PCLO: variants seen among roughly 807,000 people sequenced by gnomAD.
PCLO encodes the protein protein piccolo.
Under a neutral mutation model 427.5 loss-of-function variants are expected in PCLO, and 82 were observed. That is an observed-to-expected ratio of 0.19 (90% CI 0.16 to 0.23). The LOEUF is 0.23. Ranked by LOEUF, PCLO falls within the 10% of genes least tolerant of loss-of-function variation. The pLI is 1.00. For missense variants in PCLO, 6,239 were observed against 6,115.9 expected, an observed-to-expected ratio of 1.02 and a Z score of -0.67; for synonymous variants, 2,357 against 2,155.4, an observed-to-expected ratio of 1.09 and a Z score of -2.59.
chr7:82,796,088 G>A (rs373972184), intron 22 of PCLO, among the ~76,000 whole-genome samples: 2 of 152,140 alleles, frequency 1.3e-5, no homozygotes, highest in South Asian at 2.1e-4. Flanking sequence ...GTGCTAAGAC[G>A]AAGAAATACC....
At chr7:83,023,684 T>C (rs1788402668) in intron 3 of PCLO, among the ~76,000 whole-genome samples, 1 of 152,212 alleles carries the variant, frequency 6.6e-6, no homozygotes, top group Admixed American at 6.5e-5. Context: ...TGAACATGTC[T>C]TGTATGGGTG....
At chr7:82,856,531 G>C (rs556814951) in intron 10 of PCLO, among the ~76,000 whole-genome samples, 1 of 152,244 alleles carries the variant, frequency 6.6e-6, no homozygotes, top group South Asian at 2.1e-4. Flanking sequence ...GAATCAGAAA[G>C]TGGCTGAATG....
intron 3 of PCLO, among the ~76,000 whole-genome samples, chr7:83,012,158 G>A (rs1016411487): frequency 6.6e-6 from 1 of 152,028 alleles, no homozygotes; most frequent in Non-Finnish European, 1.5e-5. Flanking sequence ...CACTACATCA[G>A]CATAATAATA....
chr7:82,769,124 G>T lies in PCLO; in HGVS notation c.15008-7631C>A, dbSNP rs185751774. Among the ~76,000 whole-genome samples, 35 of 152,192 alleles carry T rather than the reference G, an allele frequency of 2.3e-4. No individual in the cohort carries two copies. The East Asian group carries it at 6.4e-3, about 28-fold the overall frequency. On this transcript the variant is annotated intron_variant, in intron 22 of 24. Transcript: ENST00000333891. ...CTGTGAATAAGATTGCGAAAACACT[G>T]ACTTCATGGGAATATTCGCTTTAAA...
Position 82,801,608 on chromosome 7 carries a change from T to G in PCLO, c.14934-17A>C. The stretch of plus-strand genomic sequence containing the variant: ...ATCTTCCCTCTGTTTAGAAATAAAA[T>G]AAAATGATATATTCAGTTATGATCT... On this transcript the variant is annotated splice_polypyrimidine_tract_variant and intron_variant, in intron 21 of 24. Transcript: ENST00000333891. The G allele has an allele frequency of 7.0e-7, 1 of 1,436,550 alleles. No homozygotes were observed. The highest frequency in any genetic ancestry group is 9.8e-7 in the Non-Finnish European group (1 of 1,021,064). The allele number at this position is 1,436,550 out of a possible 1,614,324, so 89.0% of individuals were successfully genotyped here. A position where few individuals can be genotyped will look rare whatever the true frequency, so the allele number is the denominator to read the frequency against.
At chr7:83,145,490 A>T (rs1326402980) in intron 2 of PCLO, among the ~76,000 whole-genome samples, 1 of 152,180 alleles carries the variant, frequency 6.6e-6, no homozygotes, top group African/African-American at 2.4e-5. Flanking sequence ...GGACAATGTG[A>T]TCTCCTATAA....
intron 3 of PCLO, among the ~76,000 whole-genome samples, chr7:82,972,296 G>A (rs1583858257): frequency 6.6e-6 from 1 of 151,980 alleles, no homozygotes; most frequent in Admixed American, 6.6e-5. Context: ...AAAACCCAGA[G>A]AAGGGATGCT....
At position 82,955,987 on chromosome 7, in the gene PCLO, G is replaced by T. The variant is rs377046840; in HGVS notation, c.4966C>A (p.Leu1656Ile). 199 of 1,613,334 alleles carry T rather than the reference G, an allele frequency of 1.2e-4. No homozygotes were observed. Among genetic ancestry groups the T allele is most frequent in the Non-Finnish European group, 1.6e-4 (189 of 1,179,840 alleles). Residue 1656 changes from leucine to isoleucine, a missense_variant, in exon 5 of 25, where the codon CTT (leucine) becomes ATT (isoleucine). Leu to Ile is a conservative substitution (Grantham distance 5). Around this residue, in one of 5 missense-constraint regions of PCLO, gnomAD observed 4,677 missense variants for 4,468.4 expected, o/e 1.05. Coordinates refer to ENST00000333891, the MANE Select transcript of PCLO (RefSeq NM_033026.6). The stretch of plus-strand genomic sequence containing the variant: ...AGCCCTCCTCCTCCAGTAACTACAA[G>T]TTCTTCACTTTCCTGACTTTTAGTT... ...RETKSQESEE[L>I]VVTGGGGLRR...
intron 10 of PCLO, among the ~76,000 whole-genome samples, chr7:82,876,359 A>G (rs1793369547): frequency 6.6e-6 from 1 of 151,928 alleles, no homozygotes; most frequent in Admixed American, 6.6e-5. Context: ...ATCTCAACCA[A>G]TCTACTGCTT....
chr7:82,997,543 C>T (rs572921338), intron 3 of PCLO, among the ~76,000 whole-genome samples: 207 of 152,044 alleles, frequency 1.4e-3, no homozygotes, highest in Non-Finnish European at 2.6e-3. Context: ...AAAGAGATCT[C>T]CCTATAATCT....
chr7:82,888,205 C>T lies in PCLO; in HGVS notation c.13529-8743G>A, dbSNP rs573894293. 2.6e-4 allele frequency among the ~76,000 whole-genome samples: 40 copies of T among 152,200 alleles called. 1 individual carries two copies. The highest frequency in any genetic ancestry group is 8.7e-4 in the African/African-American group (36 of 41,532). ...ACCCACTTGTAGGATCTGTTTTGTT[C>T]CACGGATATTCCAGCAGTTAGGATG... On this transcript the variant is annotated intron_variant, in intron 9 of 24. Coordinates refer to ENST00000333891, the MANE Select transcript of PCLO (RefSeq NM_033026.6).
intron 6 of PCLO, among the ~76,000 whole-genome samples, chr7:82,941,227 C>A (rs1795078403): frequency 6.6e-6 from 1 of 152,082 alleles, no homozygotes; most frequent in Non-Finnish European, 1.5e-5. Flanking sequence ...ATCTAAGACT[C>A]ACCTTACCTT....
intron 22 of PCLO, among the ~76,000 whole-genome samples, chr7:82,770,227 T>A (rs532362037): frequency 6.6e-6 from 1 of 151,962 alleles, no homozygotes; most frequent in South Asian, 2.1e-4. Flanking sequence ...TAATTCTTTT[T>A]ATTTCTCCAT....
intron 3 of PCLO, among the ~76,000 whole-genome samples, chr7:83,037,525 C>T (rs761168241): frequency 5.9e-5 from 9 of 151,668 alleles, no homozygotes; most frequent in Non-Finnish European, 1.3e-4. Flanking sequence ...AGATGGCTAG[C>T]TAGAAGGAAT....
intron 1 of PCLO, among the ~76,000 whole-genome samples, chr7:83,161,803 A>C (rs1792443916): frequency 6.6e-6 from 1 of 152,322 alleles, no homozygotes; most frequent in Non-Finnish European, 1.5e-5. Context: ...TGAATATAAA[A>C]GGTATATTCA....
In PCLO at chr7:82,954,432, G is replaced by A; in HGVS notation, c.6521C>T (p.Thr2174Ile). 2 of 1,613,918 alleles carry A rather than the reference G, an allele frequency of 1.2e-6. No homozygotes were observed. Among genetic ancestry groups the A allele is most frequent in the Non-Finnish European group, 1.7e-6 (2 of 1,179,806 alleles). ...LTYSEPSESA[T>I]SVPPSDTPSL... ...AGGTGTGTCAGAGGGTGGGACAGAT[G>A]TAGCACTTTCTGAAGGCTCCGAGTA... Residue 2174 changes from threonine (T) to isoleucine (I), a missense_variant, in exon 5 of 25, where the codon ACA (threonine) becomes ATA (isoleucine). Physicochemically the swap from Thr to Ile is moderately conservative, Grantham distance 89. Transcript: ENST00000333891.
intron 10 of PCLO, among the ~76,000 whole-genome samples, chr7:82,863,126 A>G (rs1371503302): frequency 6.6e-6 from 1 of 152,034 alleles, no homozygotes; most frequent in African/African-American, 2.4e-5. Flanking sequence ...AAATATATAT[A>G]CCTACTATTT....
Position 82,794,670 on chromosome 7 carries a change from T to C in PCLO, c.15007+6848A>G, listed in dbSNP as rs561003947. 1.4e-3 allele frequency among the ~76,000 whole-genome samples: 217 copies of C among 151,348 alleles called. 1 individual carries two copies. The highest frequency in any genetic ancestry group is 2.5e-3 in the Non-Finnish European group (167 of 67,734). ...GTATTTTTTGTAGAGACGGGGTTTATGCCATGTTGCCCAGGTTGGCCTTGA... is the reference window on the plus strand; with the variant it reads ...GTATTTTTTGTAGAGACGGGGTTTACGCCATGTTGCCCAGGTTGGCCTTGA... On this transcript the variant is annotated intron_variant, in intron 22 of 24. Transcript: ENST00000333891.
At chr7:82,807,240 G>A (rs919494702) in intron 20 of PCLO, among the ~76,000 whole-genome samples, 1 of 151,554 alleles carries the variant, frequency 6.6e-6, no homozygotes, top group African/African-American at 2.4e-5. Context: ...AGCTTAAATA[G>A]TCTTTGACAA....
Sources: allele counts gnomAD v4.1 joint callset (sites outside exome capture counted in the v4.1 genomes callset), GRCh38; gene constraint gnomAD v4.1.1; regional missense constraint gnomAD v4.1.1; transcripts MANE v1.5; gene names NCBI Gene and HGNC (gene_info 2026-07-23, HGNC 2026-07-21).